Variants in LIPA observed in about 807,000 individuals in gnomAD.
The protein encoded by LIPA is lysosomal acid lipase/cholesteryl ester hydrolase.
LIPA carries 26 observed loss-of-function variants against 40.6 expected under a neutral mutation model. That is an observed-to-expected ratio of 0.64 (90% confidence interval 0.47 to 0.89). The LOEUF (loss-of-function observed/expected upper bound fraction) is 0.89. LIPA is among the 40% of genes least tolerant of loss of function. The pLI, the probability that LIPA is intolerant of heterozygous loss-of-function variation, is 0.00. For missense variants in LIPA, 455 were observed against 479.6 expected, an observed-to-expected ratio of 0.95 and a Z score of 0.48; for synonymous variants, 188 against 168.4, an observed-to-expected ratio of 1.12 and a Z score of -0.90.
chr10:89,268,778 A>G (rs1200010637), intron 1 of LIPA, among the ~76,000 whole-genome samples: 1 of 152,060 alleles, frequency 6.6e-6, no homozygotes, highest in Non-Finnish European at 1.5e-5. Flanking sequence ...CGAGGCCAGG[A>G]GATTGAGACC....
chr10:89,264,786 C>T (rs1843226788), intron 1 of LIPA, among the ~76,000 whole-genome samples: 1 of 152,214 alleles, frequency 6.6e-6, no homozygotes, highest in South Asian at 2.1e-4. Context: ...GTGGACACCA[C>T]CTGGAACTGA....
chr10:89,233,733 G>C (rs572681709), intron 3 of LIPA, among the ~76,000 whole-genome samples: 1 of 152,262 alleles, frequency 6.6e-6, no homozygotes, highest in African/African-American at 2.4e-5. Flanking sequence ...AACCCTCGTG[G>C]TGGGTGCCTG....
chr10:89,302,052 A>G, intron 1 of LIPA: 2 of 1,589,908 alleles, frequency 1.3e-6, no homozygotes, highest in East Asian at 2.2e-5. Context: ...TGGTGGCAGA[A>G]GAGGAAGATT....
intron 1 of LIPA, among the ~76,000 whole-genome samples, chr10:89,317,332 C>T (rs1400487830): frequency 6.6e-6 from 1 of 152,058 alleles, no homozygotes; most frequent in Non-Finnish European, 1.5e-5. Context: ...AAAGATTCGA[C>T]GAATGGCTAA....
chr10:89,391,174 C>A (rs978893323), intron 2 of LIPA, among the ~76,000 whole-genome samples: 1 of 152,132 alleles, frequency 6.6e-6, no homozygotes, highest in Non-Finnish European at 1.5e-5. Flanking sequence ...TGTTAAAAGA[C>A]AAAGTAGGTA....
At chr10:89,240,180 A>G (rs1163037336) in intron 3 of LIPA, among the ~76,000 whole-genome samples, 1 of 152,234 alleles carries the variant, frequency 6.6e-6, no homozygotes, top group African/African-American at 2.4e-5. Context: ...ACTTCTGTCC[A>G]TTGTAAACAA....
chr10:89,329,709 A>C (rs1843631519), intron 1 of LIPA, among the ~76,000 whole-genome samples: 1 of 152,056 alleles, frequency 6.6e-6, no homozygotes, highest in Non-Finnish European at 1.5e-5. Context: ...TTATAACACA[A>C]ATATATTAGT....
At chr10:89,360,115 T>G (rs1844013429) in intron 2 of LIPA, among the ~76,000 whole-genome samples, 2 of 152,212 alleles carry the variant, frequency 1.3e-5, no homozygotes, top group Non-Finnish European at 2.9e-5. Flanking sequence ...TGCTTCCTAA[T>G]CATAAAACAT....
intron 1 of LIPA, among the ~76,000 whole-genome samples, chr10:89,259,072 GGAA>G (rs1452244136): frequency 3.3e-5 from 5 of 152,326 alleles, no homozygotes; most frequent in Non-Finnish European, 7.4e-5. Flanking sequence ...GGGAAGAAGA[GGAA>G]GTTAGGATGA....
chr10:89,370,461 C>T (rs1056437160), intron 2 of LIPA, among the ~76,000 whole-genome samples: 1 of 151,936 alleles, frequency 6.6e-6, no homozygotes, highest in Non-Finnish European at 1.5e-5. Context: ...TCTCAAACTC[C>T]CAGACTCAAG....
At position 89,281,280 on chromosome 10, in the gene LIPA, T is replaced by C. The variant is rs563723833; in HGVS notation, c.-1-33631A>G. Among the ~76,000 whole-genome samples, 11 of 152,230 alleles carry C rather than the reference T, an allele frequency of 7.2e-5. No individual in the cohort carries two copies. The South Asian group carries it at 2.1e-3, about 29-fold the overall frequency. On this transcript the variant is annotated intron_variant, in intron 1 of 5. Coordinates refer to the LIPA transcript ENST00000282673. ...TCAAGAATGCCCCCCCACCCTGATATACAATTAAGTACTTCTTTCCCAGGC... is the reference window on the plus strand; with the variant it reads ...TCAAGAATGCCCCCCCACCCTGATACACAATTAAGTACTTCTTTCCCAGGC...
intron 1 of LIPA, among the ~76,000 whole-genome samples, chr10:89,260,268 T>C (rs1026788935): frequency 1.3e-5 from 2 of 152,222 alleles, no homozygotes; most frequent in African/African-American, 4.8e-5. Context: ...ATCCAGCTCT[T>C]CTTCACTAAC....
intron 1 of LIPA, among the ~76,000 whole-genome samples, chr10:89,251,166 C>CAATT (rs1423598374): frequency 3.3e-5 from 5 of 152,230 alleles, no homozygotes; most frequent in African/African-American, 4.8e-5. Flanking sequence ...GATCTACTGT[C>CAATT]AATTACTCCT....
chr10:89,315,556 T>A (rs1246526646), intron 1 of LIPA, among the ~76,000 whole-genome samples: 1 of 148,288 alleles, frequency 6.7e-6, no homozygotes, highest in African/African-American at 2.5e-5. Flanking sequence ...AATATTTACA[T>A]CATGGTTGGG....
At chr10:89,228,437 G>C (rs766958032) in intron 3 of LIPA, 39 bp from the exon 4 acceptor site, 11 of 1,513,614 alleles carry the variant, frequency 7.3e-6, no homozygotes, top group Middle Eastern at 3.4e-4. Flanking sequence ...GTAGCACCAA[G>C]CTTCAAAACA....
chr10:89,257,272 C>T (rs1296842060), intron 1 of LIPA, among the ~76,000 whole-genome samples: 3 of 152,110 alleles, frequency 2.0e-5, no homozygotes, highest in Non-Finnish European at 4.4e-5. Context: ...GTCCATTTGC[C>T]AGGACTTTAA....
At chr10:89,273,725 T>C (rs1843277119) in intron 1 of LIPA, among the ~76,000 whole-genome samples, 1 of 152,190 alleles carries the variant, frequency 6.6e-6, no homozygotes, top group Non-Finnish European at 1.5e-5. Context: ...ATTCCTGAGC[T>C]GTAGGTCATT....
intron 2 of LIPA, among the ~76,000 whole-genome samples, chr10:89,380,435 CTTTT>C (rs58504474): frequency 7.1e-6 from 1 of 140,868 alleles, no homozygotes. Context: ...ACAAACTCAT[CTTTT>C]TTTTTTTTTT....
intron 1 of LIPA, among the ~76,000 whole-genome samples, chr10:89,326,664 C>T (rs528266758): frequency 1.3e-3 from 201 of 152,150 alleles, no homozygotes; most frequent in African/African-American, 4.6e-3. Flanking sequence ...ATTGTATGCT[C>T]GCATCAAATA....
Sources: allele counts gnomAD v4.1 joint callset (sites outside exome capture counted in the v4.1 genomes callset), GRCh38; gene constraint gnomAD v4.1.1; transcripts MANE v1.5; gene names NCBI Gene and HGNC (gene_info 2026-07-23, HGNC 2026-07-21).